ANO2: variants seen among roughly 807,000 people sequenced by gnomAD.
The protein encoded by ANO2 is anoctamin 2.
In ANO2, 101 loss-of-function variants were observed where a neutral mutation model predicts 124.2. That is an observed-to-expected ratio of 0.81 (90% CI 0.69 to 0.96). The LOEUF (loss-of-function observed/expected upper bound fraction) is 0.96. Among genes scored for constraint, ANO2 ranks in the 40% least tolerant of loss-of-function variants. ANO2 has a pLI of 0.00. For missense variants in ANO2, 1,293 were observed against 1,274.5 expected (o/e 1.01, Z -0.22); for synonymous variants, 486 against 482.5 (o/e 1.01, Z -0.09).
At chr12:5,914,868 C>T (rs1401335483) in intron 3 of ANO2, among the ~76,000 whole-genome samples, 1 of 152,202 alleles carries the variant, frequency 6.6e-6, no homozygotes, top group South Asian at 2.1e-4. Context: ...CCCTCAGGTG[C>T]CCCTGGTGAC....
At chr12:5,694,045 G>A (rs1471776889) in intron 14 of ANO2, among the ~76,000 whole-genome samples, 1 of 152,146 alleles carries the variant, frequency 6.6e-6, no homozygotes, top group African/African-American at 2.4e-5. Context: ...GCAGGGATTT[G>A]TTTTCAATGC....
chr12:5,799,024 T>G (rs1952957180), intron 10 of ANO2, among the ~76,000 whole-genome samples: 3 of 152,230 alleles, frequency 2.0e-5, no homozygotes, highest in African/African-American at 7.2e-5. Flanking sequence ...ACCCAGGGCC[T>G]AGTCTCTCCT....
chr12:5,843,312 G>A (rs1385388082), intron 4 of ANO2, among the ~76,000 whole-genome samples: 3 of 152,164 alleles, frequency 2.0e-5, no homozygotes, highest in African/African-American at 4.8e-5. Flanking sequence ...AACTTTGGGA[G>A]GCCAAGGTGG....
At chr12:5,668,660 T>A (rs10774358) in intron 14 of ANO2, among the ~76,000 whole-genome samples, 65,786 of 152,136 alleles carry the variant, frequency 0.43, 15,516 homozygotes, top group Middle Eastern at 0.59. Context: ...GATTTTCTTC[T>A]ATGGTTTTAT....
intron 10 of ANO2, among the ~76,000 whole-genome samples, chr12:5,752,777 G>A (rs748382458): frequency 2.6e-5 from 4 of 152,006 alleles, no homozygotes; most frequent in African/African-American, 9.7e-5. Context: ...TGCTTTCTGT[G>A]CCATATCCAA....
chr12:5,649,116 C>A (rs1301665000), intron 14 of ANO2, among the ~76,000 whole-genome samples: 2 of 152,158 alleles, frequency 1.3e-5, no homozygotes, highest in Non-Finnish European at 2.9e-5. Context: ...AGAGATGACA[C>A]CCACACACCG....
chr12:5,689,887 T>A (rs1424729912), intron 14 of ANO2, among the ~76,000 whole-genome samples: 1 of 152,146 alleles, frequency 6.6e-6, no homozygotes, highest in Non-Finnish European at 1.5e-5. Flanking sequence ...TGGGAAAGGA[T>A]GTTTCCCAAA....
rs1263476947 is a variant in ANO2, at chr12:5,610,713, C to CACATATAT, written c.2087+1935_2087+1942dup. On this transcript the variant is annotated intron_variant, in intron 19 of 24. Coordinates refer to ENST00000682330, the MANE Select transcript of ANO2 (RefSeq NM_001364791.2). ...GCAAGGGCAAATACATGTATGTGTA[C>CACATATAT]ACATATATACATATATATATATATA... Among the ~76,000 whole-genome samples the CACATATAT allele has an allele frequency of 1.0e-3, 69 of 68,702 alleles. 2 individuals carry two copies. Among genetic ancestry groups the CACATATAT allele is most frequent in the African/African-American group, 2.8e-3 (50 of 18,054 alleles). The allele number at this position is 68,702 out of a possible 152,430, so 45.1% of individuals were successfully genotyped here. A position where few individuals can be genotyped will look rare whatever the true frequency, so the allele number is the denominator to read the frequency against.
chr12:5,728,128 T>A (rs1353613348), intron 14 of ANO2, among the ~76,000 whole-genome samples: 1 of 152,068 alleles, frequency 6.6e-6, no homozygotes, highest in African/African-American at 2.4e-5. Context: ...TTCAGCATTG[T>A]ACAGGAGATT....
intron 4 of ANO2, among the ~76,000 whole-genome samples, chr12:5,845,182 C>T (rs1347311393): frequency 1.3e-5 from 2 of 151,198 alleles, no homozygotes; most frequent in African/African-American, 4.9e-5. Context: ...GGAGAAACAC[C>T]TGAGCCCAGG....
intron 4 of ANO2, among the ~76,000 whole-genome samples, chr12:5,852,885 G>GTA (rs1565723700): frequency 6.7e-6 from 1 of 150,018 alleles, no homozygotes; most frequent in Non-Finnish European, 1.5e-5. Context: ...GTGTGTGTGT[G>GTA]TGTGTGGTGT....
intron 20 of ANO2, among the ~76,000 whole-genome samples, chr12:5,582,484 C>G (rs1056307163): frequency 2.6e-5 from 4 of 152,172 alleles, no homozygotes; most frequent in Admixed American, 1.3e-4. Context: ...AGACAATATT[C>G]AACAAGGACG....
chr12:5,827,584 T>C (rs1954002299), intron 7 of ANO2, among the ~76,000 whole-genome samples, 185 bp downstream of exon 7: 1 of 152,156 alleles, frequency 6.6e-6, no homozygotes, highest in South Asian at 2.1e-4. Flanking sequence ...GCAGCCCCAC[T>C]GAGAAATGGG....
intron 12 of ANO2, among the ~76,000 whole-genome samples, chr12:5,740,729 A>G (rs1003768086): frequency 1.3e-5 from 2 of 152,174 alleles, no homozygotes; most frequent in Non-Finnish European, 2.9e-5. Flanking sequence ...GGGTGCCAAC[A>G]CTACCTGCCT....
In ANO2 at chr12:5,900,716, AG is replaced by A. The variant is rs1266581638; in HGVS notation, c.534+20323del. On this transcript the variant is annotated intron_variant, in intron 3 of 24. Transcript: ENST00000682330. The surrounding 1 kb of genome is among the most constrained non-coding windows in gnomAD (Gnocchi z 4.2). ...CCTTCCCCATGGGTGGGGCCGGGAC[AG>A]GAAATGGCCAAGCACACAGCATCTT... 2.0e-5 allele frequency among the ~76,000 whole-genome samples: 3 copies of A among 152,166 alleles called. No individual in the cohort carries two copies.
intron 10 of ANO2, among the ~76,000 whole-genome samples, chr12:5,782,078 C>T (rs7358646): frequency 0.15 from 22,524 of 152,130 alleles, 1,848 homozygotes; most frequent in African/African-American, 0.22. Context: ...GTCTATTTCT[C>T]CTTTTCGTTT....
chr12:5,922,863 C>T, intron 1 of ANO2, 59 bp from the exon 2 acceptor site: 8 of 1,414,268 alleles, frequency 5.7e-6, no homozygotes, highest in Non-Finnish European at 7.4e-6. Context: ...ATCCAAGACA[C>T]TGAGGTACTG....
chr12:5,873,161 C>T (rs1161387757), intron 3 of ANO2, among the ~76,000 whole-genome samples: 2 of 147,982 alleles, frequency 1.4e-5, no homozygotes, highest in Non-Finnish European at 3.0e-5. Flanking sequence ...ATAAGCCCTA[C>T]CAGAATTATA....
chr12:5,717,380 G>C (rs1302808833), intron 14 of ANO2, among the ~76,000 whole-genome samples: 1 of 152,240 alleles, frequency 6.6e-6, no homozygotes, highest in Non-Finnish European at 1.5e-5. Context: ...TCCCCTGAAA[G>C]CCAAGGTAAC....
Sources: gnomAD v4.1 joint callset for allele counts (sites outside exome capture counted in the v4.1 genomes callset) on GRCh38, gnomAD v4.1.1 for gene constraint, Gnocchi (gnomAD v3.1) non-coding constraint, MANE v1.5 for transcripts, NCBI Gene and HGNC (gene_info 2026-07-23, HGNC 2026-07-21) for gene names.